The following ZFHX3 variants were observed in gnomAD, a reference collection of about 807,000 sequenced individuals.
ZFHX3 encodes zinc finger homeobox protein 3.
ZFHX3 carries 42 observed loss-of-function variants against 279.1 expected under a neutral mutation model. The ratio of observed to expected loss-of-function variants is 0.15; its 90% CI spans 0.12 to 0.19. ZFHX3 has a LOEUF of 0.19. ZFHX3 is among the 10% of genes least tolerant of loss of function. ZFHX3 has a pLI of 1.00. For synonymous variants in ZFHX3, 2,293 were observed against 1,957.8 expected (o/e 1.17, Z -4.52); for missense variants, 4,981 against 4,754.0 (o/e 1.05, Z -1.40).
chr16:73,891,805 G>C (rs925882338), exon 1 of ZFHX3: 21 of 147,274 alleles, frequency 1.4e-4, no homozygotes, highest in Admixed American at 2.8e-4. Context: ...TTGTGACTGG[G>C]TTTATAAAAA....
chr16:73,362,453 G>A (rs148273968), intron 3 of ZFHX3, among the ~76,000 whole-genome samples: 2 of 152,290 alleles, frequency 1.3e-5, no homozygotes, highest in Admixed American at 6.5e-5. Context: ...ACCAGCTCAC[G>A]GGGGATGGTG....
intron 6 of ZFHX3, among the ~76,000 whole-genome samples, chr16:73,141,481 T>C (rs947748564): frequency 4.0e-5 from 6 of 151,836 alleles, no homozygotes; most frequent in Non-Finnish European, 8.8e-5. Flanking sequence ...TATTATAGCC[T>C]CGAACTCCTG....
At chr16:73,499,796 A>T (rs911782024) in intron 2 of ZFHX3, 1 of 152,200 alleles carries the variant, frequency 6.6e-6, no homozygotes, top group Non-Finnish European at 1.5e-5. Context: ...CAACGTTTCA[A>T]TCAAGGAGGG....
At chr16:73,445,610 T>C (rs920178405) in intron 3 of ZFHX3, among the ~76,000 whole-genome samples, 1 of 152,098 alleles carries the variant, frequency 6.6e-6, no homozygotes, top group Non-Finnish European at 1.5e-5. Flanking sequence ...AATCACATAG[T>C]GTGCCCCAGC....
intron 4 of ZFHX3, among the ~76,000 whole-genome samples, chr16:73,270,385 A>G (rs2014107205): frequency 6.6e-6 from 1 of 152,160 alleles, no homozygotes. Flanking sequence ...CATAGCCACG[A>G]CCACTGATGT....
chr16:73,508,525 G>A (rs951699887), intron 2 of ZFHX3, among the ~76,000 whole-genome samples: 4 of 152,214 alleles, frequency 2.6e-5, no homozygotes, highest in Admixed American at 6.5e-5. Flanking sequence ...TTACACACAT[G>A]TGAGTTAGGA....
At chr16:73,367,634 G>A (rs997070548) in intron 3 of ZFHX3, among the ~76,000 whole-genome samples, 10 of 152,112 alleles carry the variant, frequency 6.6e-5, no homozygotes, top group Non-Finnish European at 1.5e-4. Context: ...AGAATGAAAG[G>A]GACTTAAGGA....
At chr16:73,806,310 G>A (rs1015678869) in intron 1 of ZFHX3, among the ~76,000 whole-genome samples, 6 of 152,202 alleles carry the variant, frequency 3.9e-5, no homozygotes, top group African/African-American at 1.2e-4. Context: ...AAGAGCAAGT[G>A]CAAAGGCCTA....
At chr16:73,424,974 G>T (rs1480401034) in intron 3 of ZFHX3, among the ~76,000 whole-genome samples, 2 of 152,270 alleles carry the variant, frequency 1.3e-5, no homozygotes, top group Non-Finnish European at 2.9e-5. Flanking sequence ...CCATGAGGGG[G>T]TCTGATAACT....
chr16:73,722,282 T>C (rs1049592877), intron 1 of ZFHX3, among the ~76,000 whole-genome samples: 5 of 152,192 alleles, frequency 3.3e-5, no homozygotes, highest in Non-Finnish European at 7.3e-5. Flanking sequence ...GGTACTCGAT[T>C]GGTTGATGAT....
chr16:73,485,150 A>G (rs2018950620), intron 2 of ZFHX3, among the ~76,000 whole-genome samples: 1 of 152,188 alleles, frequency 6.6e-6, no homozygotes, highest in Admixed American at 6.5e-5. Flanking sequence ...AGCAAAGTCA[A>G]ATAGAGGGTT....
At chr16:73,443,040 T>C (rs2018122399) in intron 3 of ZFHX3, among the ~76,000 whole-genome samples, 1 of 152,208 alleles carries the variant, frequency 6.6e-6, no homozygotes, top group Non-Finnish European at 1.5e-5. Context: ...ATTTTAACTT[T>C]ATTACCCATT....
intron 2 of ZFHX3, among the ~76,000 whole-genome samples, chr16:73,670,734 T>G (rs907603626): frequency 2.0e-5 from 3 of 152,212 alleles, no homozygotes; most frequent in African/African-American, 7.2e-5. Flanking sequence ...CAAACTATAC[T>G]GTGACATTTG....
chr16:72,858,076 G>A (rs542109244), intron 4 of ZFHX3, among the ~76,000 whole-genome samples: 21 of 152,282 alleles, frequency 1.4e-4, no homozygotes, highest in East Asian at 3.9e-4. Flanking sequence ...CTGGTGCGGC[G>A]GGGGGCTCTG....
At chr16:73,489,841 G>A (rs1220800841) in intron 2 of ZFHX3, among the ~76,000 whole-genome samples, 4 of 151,916 alleles carry the variant, frequency 2.6e-5, no homozygotes, top group African/African-American at 4.8e-5. Context: ...CATAGTAATT[G>A]TAACAACATT....
chr16:72,941,059 C>T (rs1241427781), intron 3 of ZFHX3, among the ~76,000 whole-genome samples: 1 of 152,202 alleles, frequency 6.6e-6, no homozygotes, highest in East Asian at 1.9e-4. Context: ...CCAAGAAGGC[C>T]TGGAGTGAAC....
chr16:73,682,990 GAAAAGAAAGAAAGAAAGAAAGAGA>G (rs1567550813), intron 1 of ZFHX3, among the ~76,000 whole-genome samples: 3 of 28,394 alleles, frequency 1.1e-4, no homozygotes, highest in Non-Finnish European at 2.0e-4. Flanking sequence ...AAGAAAGAAA[GAAAAGAAAGAAAGAAAGAAAGAGA>G]AAGGAGGGAG....
intron 5 of ZFHX3, among the ~76,000 whole-genome samples, chr16:73,245,820 G>T (rs937183738): frequency 6.6e-5 from 10 of 152,130 alleles, no homozygotes; most frequent in African/African-American, 2.2e-4. Context: ...CTTAGTAATT[G>T]AAGAAGTGAA....
intron 3 of ZFHX3, among the ~76,000 whole-genome samples, chr16:73,359,868 G>A (rs1432391808): frequency 3.9e-5 from 6 of 151,972 alleles, no homozygotes; most frequent in Non-Finnish European, 7.4e-5. Context: ...CAGTGTGGAT[G>A]GGTATTGATC....
Sources: allele counts gnomAD v4.1 joint callset (sites outside exome capture counted in the v4.1 genomes callset), GRCh38; gene constraint gnomAD v4.1.1; transcripts MANE v1.5; gene names NCBI Gene and HGNC (gene_info 2026-07-23, HGNC 2026-07-21).